SETX: variants seen among roughly 807,000 people sequenced by gnomAD.
SETX encodes the protein senataxin.
SETX carries 90 observed loss-of-function variants against 227.2 expected under a neutral mutation model. The ratio of observed to expected loss-of-function variants is 0.40; its 90% CI spans 0.33 to 0.47. The LOEUF (loss-of-function observed/expected upper bound fraction) is 0.47. Ranked by LOEUF, SETX falls within the 20% of genes least tolerant of loss-of-function variation. SETX has a pLI of 0.91. For missense variants in SETX, 3,052 were observed against 3,181.5 expected (o/e 0.96, Z 0.98); for synonymous variants, 1,210 against 1,113.2 (o/e 1.09, Z -1.73).
rs1305332991 is a variant in SETX, at chr9:132,326,779, T to C, written c.4819A>G (p.Ile1607Val). Reference sequence around the variant, plus strand: ...TCCAAAGATTTAGAAAGACCAGCAATTCGTGAAGTACTCTTTGAGCTAAAA... The same window carrying C: ...TCCAAAGATTTAGAAAGACCAGCAACTCGTGAAGTACTCTTTGAGCTAAAA... ...KIFSSKSTSR[I>V]AGLSKSLETS... is the part of the protein sequence containing the mutation. Residue 1607 changes from isoleucine (I) to valine (V), a missense_variant, in exon 10 of 26, where the codon ATT becomes GTT. Around this residue, in one of 10 missense-constraint regions of SETX, gnomAD observed 1,483 missense variants for 1,312.0 expected, o/e 1.13. Transcript: ENST00000224140. 6.2e-7 allele frequency: 1 copy of C among 1,614,222 alleles called. No homozygotes were observed. The highest frequency in any genetic ancestry group is 1.1e-5 in the South Asian group (1 of 91,080).
chr9:132,273,780 C>CTT (rs144757114), intron 23 of SETX, among the ~76,000 whole-genome samples: 5,850 of 151,924 alleles, frequency 0.039, 385 homozygotes, highest in African/African-American at 0.13. Context: ...AGTAAAGATG[C>CTT]TTTTTATTTA....
chr9:132,336,328 T>C lies in SETX; in HGVS notation c.686A>G (p.Tyr229Cys). Residue 229 changes from tyrosine (Y) to cysteine (C), a missense_variant, in exon 6 of 26, where the codon TAT (tyrosine) becomes TGT (cysteine). Tyr to Cys is a radical substitution (Grantham distance 194). Coordinates refer to ENST00000224140, the MANE Select transcript of SETX (RefSeq NM_015046.7). Reference sequence around the variant, plus strand: ...ATAGCTTTTGTAGTTGGTAGTATCATACATGTGTGAGGGCAGAAGAATCAG... The same window carrying C: ...ATAGCTTTTGTAGTTGGTAGTATCACACATGTGTGAGGGCAGAAGAATCAG... ...GKLILLPSHM[Y>C]DTTNYKSYWL... 1 of 1,613,870 alleles carries C rather than the reference T, an allele frequency of 6.2e-7. No homozygotes were observed. Among genetic ancestry groups the C allele is most frequent in the South Asian group, 1.1e-5 (1 of 91,078 alleles).
At chr9:132,355,989 G>GC (rs1240322277), upstream of SETX, among the ~76,000 whole-genome samples, 1 of 85,156 alleles carries the variant, frequency 1.2e-5, no homozygotes, top group Non-Finnish European at 2.2e-5. Context: ...TCTCTCTCCG[G>GC]AAAAAAAAAA....
chr9:132,354,351 C>T (rs568252165), intron 1 of SETX, among the ~76,000 whole-genome samples: 12 of 152,070 alleles, frequency 7.9e-5, no homozygotes, highest in African/African-American at 2.7e-4. Context: ...TTTTAATTAG[C>T]CGGGCGTGGT....
chr9:132,288,960 A>G lies in SETX; in HGVS notation c.6107-309T>C, dbSNP rs536391697. On this transcript the variant is annotated intron_variant, in intron 15 of 25. Transcript: ENST00000224140. ...GTAACATTTTCAAACTATGTTCAGT[A>G]GGACATTCCATAGCAAAATAGTTTC... 5.9e-5 allele frequency among the ~76,000 whole-genome samples: 9 copies of G among 152,354 alleles called. No homozygotes were observed. In the South Asian group the frequency reaches 1.9e-3, roughly 32 times the overall value.
chr9:132,321,384 C>T (rs1178812362), intron 10 of SETX, among the ~76,000 whole-genome samples: 4 of 152,028 alleles, frequency 2.6e-5, no homozygotes, highest in East Asian at 1.9e-4. Flanking sequence ...GGGCTGGGCG[C>T]GGTAGCTCAC....
Position 132,300,653 on chromosome 9 carries a change from T to C in SETX, c.5525A>G (p.His1842Arg). Residue 1842 changes from histidine (H) to arginine (R), a missense_variant, in exon 12 of 26, where the codon CAT (histidine) becomes CGT (arginine). His to Arg is a conservative substitution (Grantham distance 29). This residue lies in a region of SETX where 239 missense variants were observed against 272.1 expected (regional missense o/e 0.88). Transcript: ENST00000224140. ...ACTGACTGACGTGCGGCGAAATTTA[T>C]GAACATAACCAGAATGATATTCGTG... ...DLHEYHSGYV[H>R]KFRRTSVMRN... 1 of 1,613,802 alleles carries C rather than the reference T, an allele frequency of 6.2e-7. No individual in the cohort carries two copies. Among genetic ancestry groups the C allele is most frequent in the Non-Finnish European group, 8.5e-7 (1 of 1,179,910 alleles).
At chr9:132,353,453 G>A (rs1848706805) in intron 2 of SETX, among the ~76,000 whole-genome samples, 196 bp downstream of exon 2, 1 of 152,004 alleles carries the variant, frequency 6.6e-6, no homozygotes, top group African/African-American at 2.4e-5. Context: ...CGAAGAGAAA[G>A]CTGGATTTGA....
chr9:132,333,585 T>C (rs1326332350), intron 7 of SETX, among the ~76,000 whole-genome samples: 2 of 151,946 alleles, frequency 1.3e-5, no homozygotes, highest in East Asian at 1.9e-4. Flanking sequence ...TGTTTTCTCA[T>C]AGGATCTGGT....
chr9:132,293,968 G>T (rs942304239), intron 15 of SETX, among the ~76,000 whole-genome samples: 1 of 152,076 alleles, frequency 6.6e-6, no homozygotes. Flanking sequence ...AGCTTGCAGT[G>T]AGCCGAGATC....
chr9:132,315,452 C>G (rs760715763), intron 10 of SETX, among the ~76,000 whole-genome samples: 6 of 152,170 alleles, frequency 3.9e-5, no homozygotes, highest in African/African-American at 7.2e-5. Flanking sequence ...ACTTAAACTC[C>G]TAGAGTTATC....
intron 12 of SETX, among the ~76,000 whole-genome samples, chr9:132,298,592 C>T (rs1844811139): frequency 6.6e-6 from 1 of 152,070 alleles, no homozygotes; most frequent in African/African-American, 2.4e-5. Context: ...GGGATGGAGG[C>T]AGATAAGCTG....
Position 132,263,442 on chromosome 9 carries a change from T to C in SETX, c.*797A>G, listed in dbSNP as rs1451965363. 1.3e-5 allele frequency: 2 copies of C among 152,186 alleles called. No individual in the cohort carries two copies. The highest frequency in any genetic ancestry group is 2.4e-5 in the African/African-American group (1 of 41,436). The allele number at this position is 152,186 out of a possible 1,614,324, so 9.4% of individuals were successfully genotyped here. On this transcript the variant is annotated 3_prime_UTR_variant, in exon 26 of 26. Coordinates refer to ENST00000224140, the MANE Select transcript of SETX (RefSeq NM_015046.7). ...CAAGGCTCACAATATGCTGGGAGCATTTGAATGATAGCTCAAGAATTATTC... is the reference window on the plus strand; with the variant it reads ...CAAGGCTCACAATATGCTGGGAGCACTTGAATGATAGCTCAAGAATTATTC...
At chr9:132,346,929 T>C (rs1243525925) in intron 3 of SETX, among the ~76,000 whole-genome samples, 2 of 152,074 alleles carry the variant, frequency 1.3e-5, no homozygotes, top group Non-Finnish European at 1.5e-5. Context: ...TACTCCAGTC[T>C]GGATGACATA....
intron 25 of SETX, among the ~76,000 whole-genome samples, chr9:132,268,194 A>G (rs1213290418): frequency 1.3e-5 from 2 of 152,234 alleles, no homozygotes; most frequent in East Asian, 3.8e-4. Flanking sequence ...ATAGATTTAC[A>G]GGAAGTTGCA....
At chr9:132,274,177 T>A (rs1843035607) in intron 23 of SETX, among the ~76,000 whole-genome samples, 1 of 152,168 alleles carries the variant, frequency 6.6e-6, no homozygotes, top group South Asian at 2.1e-4. Flanking sequence ...ATTCAGTTTG[T>A]CACTATTTTG....
chr9:132,329,429 T>C lies in SETX; in HGVS notation c.2169A>G (p.Pro723=). 1 of 1,613,704 alleles carries C rather than the reference T, an allele frequency of 6.2e-7. No individual in the cohort carries two copies. Residue 723 remains proline (P), a synonymous_variant, in exon 10 of 26, where the codon CCA becomes CCG. Coordinates refer to ENST00000224140, the MANE Select transcript of SETX (RefSeq NM_015046.7). ...GACCATTTCTTGAAGTACAGTCCTT[T>C]GGTGTATATGAAGAGATCTCTTTTA... ...KSVKEISSYT[P]KDCTSRNGPE...
chr9:132,313,043 A>G (rs765189156), intron 10 of SETX, among the ~76,000 whole-genome samples: 1 of 152,212 alleles, frequency 6.6e-6, no homozygotes, highest in Admixed American at 6.5e-5. Flanking sequence ...GCAGATTTAT[A>G]GACAGACGAG....
chr9:132,261,437 A>G lies in SETX; in HGVS notation c.*2802T>C, dbSNP rs1490099316. ...CATAAAGCAAACCAAATGGCAGACG[A>G]AATGATGTTAGTACCTTGTAGTTTA... On this transcript the variant is annotated 3_prime_UTR_variant, in exon 26 of 26. Transcript: ENST00000224140. The G allele has an allele frequency of 6.6e-6, 1 of 152,270 alleles. No individual in the cohort carries two copies. Among genetic ancestry groups the G allele is most frequent in the East Asian group, 1.9e-4 (1 of 5,198 alleles). 9.4% of individuals were successfully genotyped at this position (152,270 alleles called of 1,614,324 possible).
Sources: gnomAD v4.1 joint callset for allele counts (sites outside exome capture counted in the v4.1 genomes callset) on GRCh38, gnomAD v4.1.1 for gene constraint, gnomAD v4.1.1 regional missense constraint, MANE v1.5 for transcripts, NCBI Gene and HGNC (gene_info 2026-07-23, HGNC 2026-07-21) for gene names.